Variants in NELL1 observed in about 807,000 individuals in gnomAD.
NELL1 encodes neural EGFL like 1.
A neutral mutation model predicts 107.4 loss-of-function variants in NELL1; 76 were observed. That is an observed-to-expected ratio of 0.71 (90% CI 0.59 to 0.86). The LOEUF (loss-of-function observed/expected upper bound fraction) is 0.86, where lower values mean the gene tolerates loss of function less well. NELL1 is among the 40% of genes least tolerant of loss of function. The pLI is 0.00. For missense variants in NELL1, 1,024 were observed against 1,005.5 expected, an observed-to-expected ratio of 1.02 and a Z score of -0.25; for synonymous variants, 353 against 341.2, an observed-to-expected ratio of 1.03 and a Z score of -0.38.
intron 14 of NELL1, among the ~76,000 whole-genome samples, chr11:21,350,480 C>A (rs1850784112): frequency 6.6e-6 from 1 of 152,138 alleles, no homozygotes; most frequent in Non-Finnish European, 1.5e-5. Context: ...ATAATTTCAT[C>A]CTGTGCATTC....
intron 13 of NELL1, among the ~76,000 whole-genome samples, chr11:21,209,163 T>A (rs979600060): frequency 2.0e-5 from 3 of 152,102 alleles, no homozygotes; most frequent in Non-Finnish European, 4.4e-5. Flanking sequence ...AGAAAAATGC[T>A]GTTTGAACTC....
intron 2 of NELL1, among the ~76,000 whole-genome samples, chr11:20,760,147 A>T (rs1590268650): frequency 6.6e-6 from 1 of 152,216 alleles, no homozygotes; most frequent in East Asian, 1.9e-4. Context: ...TAGGTTGCTT[A>T]CAGCTATAGC....
At chr11:21,359,274 A>C (rs1317722598) in intron 14 of NELL1, among the ~76,000 whole-genome samples, 1 of 152,172 alleles carries the variant, frequency 6.6e-6, no homozygotes, top group Non-Finnish European at 1.5e-5. Context: ...TATGTGATAT[A>C]TCACATTTAT....
intron 12 of NELL1, among the ~76,000 whole-genome samples, chr11:21,030,750 G>A (rs12277031): frequency 0.034 from 5,093 of 151,284 alleles, 297 homozygotes; most frequent in African/African-American, 0.12. Context: ...GATTACAGTA[G>A]CAATGTGTTC....
chr11:21,017,608 T>C (rs1369766557), intron 12 of NELL1, among the ~76,000 whole-genome samples: 1 of 151,500 alleles, frequency 6.6e-6, no homozygotes, highest in Non-Finnish European at 1.5e-5. Flanking sequence ...AAAACAAACA[T>C]ACCTGAAGCT....
chr11:21,399,055 A>T (rs1852040379), intron 15 of NELL1, among the ~76,000 whole-genome samples: 1 of 151,380 alleles, frequency 6.6e-6, no homozygotes, highest in Non-Finnish European at 1.5e-5. Context: ...GAAAAAAAAA[A>T]TATTAGACGA....
At chr11:21,041,205 A>G (rs984651457) in intron 12 of NELL1, among the ~76,000 whole-genome samples, 1 of 152,182 alleles carries the variant, frequency 6.6e-6, no homozygotes, top group Admixed American at 6.6e-5. Flanking sequence ...ATCATGTATC[A>G]CTGCATGACT....
At chr11:21,106,278 C>A (rs1185519937) in intron 12 of NELL1, among the ~76,000 whole-genome samples, 2 of 151,988 alleles carry the variant, frequency 1.3e-5, no homozygotes, top group African/African-American at 4.8e-5. Flanking sequence ...TGACCTTAGA[C>A]AATTTACTGC....
chr11:21,545,620 C>T (rs1431870952), intron 16 of NELL1, among the ~76,000 whole-genome samples: 1 of 151,830 alleles, frequency 6.6e-6, no homozygotes, highest in Non-Finnish European at 1.5e-5. Context: ...TGAACAAGAC[C>T]TTGAAGTTGA....
chr11:21,312,815 G>A (rs1477003447), intron 14 of NELL1, among the ~76,000 whole-genome samples: 3 of 151,832 alleles, frequency 2.0e-5, no homozygotes, highest in Admixed American at 1.3e-4. Flanking sequence ...ATGAAGTATG[G>A]CACTGCAGTT....
At chr11:20,690,604 G>A (rs1385708785) in intron 2 of NELL1, among the ~76,000 whole-genome samples, 1 of 146,710 alleles carries the variant, frequency 6.8e-6, no homozygotes, top group Non-Finnish European at 1.5e-5. Context: ...GATATGTGGC[G>A]TTCTTTCTGA....
At chr11:21,221,354 T>C (rs925407150) in intron 13 of NELL1, among the ~76,000 whole-genome samples, 5 of 152,192 alleles carry the variant, frequency 3.3e-5, no homozygotes, top group Non-Finnish European at 7.4e-5. Flanking sequence ...TTCTTTGTAA[T>C]GTTTTTGTCT....
intron 13 of NELL1, among the ~76,000 whole-genome samples, chr11:21,166,302 G>A (rs1377937691): frequency 6.6e-6 from 1 of 151,562 alleles, no homozygotes; most frequent in South Asian, 2.1e-4. Context: ...TAGTTGGAAA[G>A]AATAAATAAG....
At chr11:21,339,862 C>A (rs187025025) in intron 14 of NELL1, among the ~76,000 whole-genome samples, 50 of 152,284 alleles carry the variant, frequency 3.3e-4, no homozygotes, top group Middle Eastern at 3.4e-3. Context: ...CCTATAGAGG[C>A]CCCAGCTTCC....
rs1294701595 is a variant in NELL1, at chr11:20,705,608, A to G, written c.184+27548A>G. On this transcript the variant is annotated intron_variant, in intron 2 of 19. Transcript: ENST00000357134. ...ACCATTCAGGACATAGGCGTGGGCA[A>G]GGACTTCCTGTCTAAAACACCAAAA... is the stretch of plus-strand genomic sequence containing the variant. Among the ~76,000 whole-genome samples the G allele has an allele frequency of 1.1e-4, 16 of 142,574 alleles. 1 individual carries two copies. Among genetic ancestry groups the G allele is most frequent in the African/African-American group, 3.7e-4 (14 of 37,352 alleles). 93.5% of individuals were successfully genotyped at this position (142,574 alleles called of 152,430 possible).
intron 3 of NELL1, among the ~76,000 whole-genome samples, chr11:20,787,799 A>G (rs1158734431): frequency 6.6e-6 from 1 of 152,190 alleles, no homozygotes; most frequent in Non-Finnish European, 1.5e-5. Flanking sequence ...CACCACAATC[A>G]ATTTTAGAAA....
intron 14 of NELL1, among the ~76,000 whole-genome samples, chr11:21,230,253 A>G (rs1320749818): frequency 1.3e-5 from 2 of 152,198 alleles, no homozygotes; most frequent in African/African-American, 2.4e-5. Flanking sequence ...TCTCTGTGTT[A>G]TCTGCCTCCC....
At chr11:21,021,884 T>C (rs1465491314) in intron 12 of NELL1, among the ~76,000 whole-genome samples, 4 of 152,146 alleles carry the variant, frequency 2.6e-5, no homozygotes, top group Non-Finnish European at 5.9e-5. Context: ...TCTTCTACTC[T>C]GGCGTTGAAG....
intron 12 of NELL1, among the ~76,000 whole-genome samples, chr11:20,995,824 A>G (rs1394334653): frequency 6.6e-6 from 1 of 152,124 alleles, no homozygotes; most frequent in Non-Finnish European, 1.5e-5. Flanking sequence ...ACCTCCTTAG[A>G]GCTAATCTGG....
Sources: gnomAD v4.1 joint callset for allele counts (sites outside exome capture counted in the v4.1 genomes callset) on GRCh38, gnomAD v4.1.1 for gene constraint, MANE v1.5 for transcripts, NCBI Gene and HGNC (gene_info 2026-07-23, HGNC 2026-07-21) for gene names.